Variants in TFAP2D observed in about 807,000 individuals in gnomAD.
TFAP2D encodes the protein transcription factor AP-2-delta.
In TFAP2D, 9 loss-of-function variants were observed where a neutral mutation model predicts 43.6. That is an observed-to-expected ratio of 0.21 (90% CI 0.12 to 0.36). TFAP2D has a LOEUF of 0.36. TFAP2D is among the 10% of genes least tolerant of loss of function. The pLI is 1.00. For missense variants in TFAP2D, 513 were observed against 561.4 expected, an observed-to-expected ratio of 0.91 and a Z score of 0.87; for synonymous variants, 256 against 224.9, an observed-to-expected ratio of 1.14 and a Z score of -1.24.
In TFAP2D at chr6:50,729,316, T is replaced by C. The variant is rs1434571639; in HGVS notation, c.883+4T>C. 1.2e-6 allele frequency: 2 copies of C among 1,612,070 alleles called. No homozygotes were observed. Among genetic ancestry groups the C allele is most frequent in the African/African-American group, 2.7e-5 (2 of 74,836 alleles). On this transcript the variant is annotated splice_donor_region_variant and intron_variant, in intron 5 of 7. Coordinates refer to ENST00000008391, the MANE Select transcript of TFAP2D (RefSeq NM_172238.4). ...CTCCTTACTTCCTTGGTTGAAGGTA[T>C]GACTTTTCAGTTTAGCAAAATAATG... is the stretch of plus-strand genomic sequence containing the variant.
intron 5 of TFAP2D, among the ~76,000 whole-genome samples, chr6:50,738,583 C>T (rs1325836077): frequency 6.6e-6 from 1 of 152,040 alleles, no homozygotes; most frequent in Non-Finnish European, 1.5e-5. Flanking sequence ...GCTACAGATC[C>T]AGTTTTATTT....
chr6:50,747,438 T>C (rs1033238979), intron 6 of TFAP2D, among the ~76,000 whole-genome samples: 1 of 152,104 alleles, frequency 6.6e-6, no homozygotes, highest in Non-Finnish European at 1.5e-5. Flanking sequence ...TGTCCCAAAA[T>C]ACAAATTTCC....
chr6:50,772,807 C>G lies in TFAP2D; in HGVS notation c.1302C>G (p.Pro434=). The change falls in exon 8 of 8, where the codon CCC becomes CCG. Residue 434 remains proline, a synonymous_variant. Transcript: ENST00000008391. ...GQGHANSEKA[P]LRKTSEAAVK... is the part of the protein sequence containing the mutation. ...GACATGCCAACTCGGAGAAAGCTCC[C>G]CTGCGGAAAACTTCAGAGGCTGCCG... The G allele has an allele frequency of 6.2e-7, 1 of 1,614,004 alleles. No homozygotes were observed. Among genetic ancestry groups the G allele is most frequent in the East Asian group, 2.2e-5 (1 of 44,864 alleles).
At chr6:50,740,262 T>C (rs2113879862) in intron 5 of TFAP2D, among the ~76,000 whole-genome samples, 1 of 152,304 alleles carries the variant, frequency 6.6e-6, no homozygotes, top group Non-Finnish European at 1.5e-5. Flanking sequence ...TAAGTTAAAC[T>C]CAATTGTTTT....
chr6:50,715,602 G>A lies in TFAP2D; in HGVS notation c.526G>A (p.Asp176Asn). ...CCTGGGGCTGGCCGCCGCGGGAGCAGACGACTTGCAGGTAAATAAGCATGC... is the reference window on the plus strand; with the variant it reads ...CCTGGGGCTGGCCGCCGCGGGAGCAAACGACTTGCAGGTAAATAAGCATGC... ...PSLGLAAAGA[D>N]DLQGSVEAQC... The change falls in exon 2 of 8, where the codon GAC (aspartate) becomes AAC (asparagine). Residue 176 changes from aspartate to asparagine, a missense_variant. Coordinates refer to ENST00000008391, the MANE Select transcript of TFAP2D (RefSeq NM_172238.4). 1.9e-6 allele frequency: 3 copies of A among 1,594,880 alleles called. No homozygotes were observed. The highest frequency in any genetic ancestry group is 2.6e-6 in the Non-Finnish European group (3 of 1,169,642).
Position 50,718,735 on chromosome 6 carries a change from A to C in TFAP2D, c.538-355A>C, listed in dbSNP as rs554145838. ...TGACACTCTAGGTGTAATTTGCTCT[A>C]CTCAGAAAGTGCTGAGTGTACACTG... is the stretch of plus-strand genomic sequence containing the variant. On this transcript the variant is annotated intron_variant, in intron 2 of 7. Transcript: ENST00000008391. Among the ~76,000 whole-genome samples, 56 of 152,306 alleles carry C rather than the reference A, an allele frequency of 3.7e-4. No homozygotes were observed. In the Middle Eastern group the frequency reaches 0.01, roughly 28 times the overall value.
intron 5 of TFAP2D, among the ~76,000 whole-genome samples, chr6:50,733,909 C>G (rs1194076617): frequency 6.6e-6 from 1 of 151,864 alleles, no homozygotes; most frequent in Non-Finnish European, 1.5e-5. Flanking sequence ...TATTTAAGCT[C>G]GTAAATATAA....
intron 5 of TFAP2D, among the ~76,000 whole-genome samples, chr6:50,744,251 A>C (rs1027059093): frequency 2.0e-5 from 3 of 151,994 alleles, no homozygotes; most frequent in Admixed American, 1.3e-4. Context: ...CTTTGTGTCC[A>C]TGTGTTCTCA....
Position 50,745,153 on chromosome 6 carries a change from A to G in TFAP2D, c.930A>G (p.Thr310=), listed in dbSNP as rs748461411. ...GGGATTTTGGCTACACTTGTGAAACAGAGTTTCCAGCCAAAGCAGTAGGAG... is the reference window on the plus strand; with the variant it reads ...GGGATTTTGGCTACACTTGTGAAACGGAGTTTCCAGCCAAAGCAGTAGGAG... ...LARDFGYTCE[T]EFPAKAVGEH... The change falls in exon 6 of 8, where the codon ACA becomes ACG. Residue 310 remains threonine (T), a synonymous_variant. Coordinates refer to ENST00000008391, the MANE Select transcript of TFAP2D (RefSeq NM_172238.4). 19 of 1,613,806 alleles carry G rather than the reference A, an allele frequency of 1.2e-5. No individual in the cohort carries two copies. The highest frequency in any genetic ancestry group is 1.6e-5 in the Non-Finnish European group (19 of 1,179,834).
At chr6:50,739,960 G>A (rs927165348) in intron 5 of TFAP2D, among the ~76,000 whole-genome samples, 2 of 152,184 alleles carry the variant, frequency 1.3e-5, no homozygotes, top group African/African-American at 4.8e-5. Context: ...ATCGTATGAT[G>A]TATAGAGCTG....
At chr6:50,745,892 A>C (rs942746222) in intron 6 of TFAP2D, among the ~76,000 whole-genome samples, 1 of 152,158 alleles carries the variant, frequency 6.6e-6, no homozygotes. Flanking sequence ...AAATTTGACA[A>C]TACAATAGGA....
intron 5 of TFAP2D, among the ~76,000 whole-genome samples, chr6:50,735,590 T>C (rs1768951503): frequency 6.6e-6 from 1 of 152,162 alleles, no homozygotes; most frequent in African/African-American, 2.4e-5. Context: ...ATAGTATCCA[T>C]TGTACTTTTT....
chr6:50,759,328 A>T (rs1291828596), intron 7 of TFAP2D, among the ~76,000 whole-genome samples: 7 of 151,986 alleles, frequency 4.6e-5, no homozygotes, highest in African/African-American at 1.7e-4. Flanking sequence ...GTGGATTTAG[A>T]ATAGGCATTG....
chr6:50,727,330 T>A (rs1327967040), intron 3 of TFAP2D, among the ~76,000 whole-genome samples: 2 of 152,172 alleles, frequency 1.3e-5, no homozygotes, highest in African/African-American at 2.4e-5. Context: ...CCCTTTGCCT[T>A]TTTAAATGTC....
In TFAP2D at chr6:50,715,427, C is replaced by T; in HGVS notation, c.351C>T (p.His117=). The T allele has an allele frequency of 1.2e-6, 2 of 1,614,172 alleles. No homozygotes were observed. The highest frequency in any genetic ancestry group is 2.2e-5 in the East Asian group (1 of 44,842). Residue 117 remains histidine (H), a synonymous_variant, in exon 2 of 8, where the codon CAC becomes CAT. Transcript: ENST00000008391. ...HGEPTDFINL[H]NARALKSSCL... ...AGCCCACCGACTTTATTAACCTGCACAATGCGCGGGCGCTCAAGTCGTCCT... is the reference window on the plus strand; with the variant it reads ...AGCCCACCGACTTTATTAACCTGCATAATGCGCGGGCGCTCAAGTCGTCCT...
chr6:50,754,862 T>C (rs1769243987), intron 7 of TFAP2D, among the ~76,000 whole-genome samples: 1 of 152,000 alleles, frequency 6.6e-6, no homozygotes. Context: ...GTCTAGATAG[T>C]AACCTCTTCT....
chr6:50,729,065 TACCATACCCTCA>T (rs1561933428), intron 4 of TFAP2D, 44 bp downstream of exon 4: 1 of 1,609,728 alleles, frequency 6.2e-7, no homozygotes, highest in South Asian at 1.1e-5. Context: ...TGCTAACTGA[TACCATACCCTCA>T]ACCCTTAGTC....
chr6:50,770,758 A>G (rs1468488328), intron 7 of TFAP2D, among the ~76,000 whole-genome samples: 4 of 152,164 alleles, frequency 2.6e-5, no homozygotes, highest in Admixed American at 2.6e-4. Context: ...AAAGAAAACT[A>G]TAGGTAGCTA....
chr6:50,725,644 G>T (rs1028351599), intron 3 of TFAP2D, among the ~76,000 whole-genome samples: 3 of 152,204 alleles, frequency 2.0e-5, no homozygotes, highest in African/African-American at 4.8e-5. Flanking sequence ...ATGGCTTGGT[G>T]TGGGCCAACG....
Sources: gnomAD v4.1 joint callset for allele counts (sites outside exome capture counted in the v4.1 genomes callset) on GRCh38, gnomAD v4.1.1 for gene constraint, MANE v1.5 for transcripts, NCBI Gene and HGNC (gene_info 2026-07-23, HGNC 2026-07-21) for gene names.